RFX3: variants seen among roughly 807,000 people sequenced by gnomAD.
RFX3 encodes transcription factor RFX3.
In RFX3, 14 loss-of-function variants were observed where a neutral mutation model predicts 98.6. That is an observed-to-expected ratio of 0.14 (90% CI 0.09 to 0.22). The LOEUF (loss-of-function observed/expected upper bound fraction) is 0.22, where lower values mean the gene tolerates loss of function less well. RFX3 is among the 10% of genes least tolerant of loss of function. The pLI, the probability that RFX3 is intolerant of heterozygous loss-of-function variation, is 1.00. For synonymous variants in RFX3, 383 were observed against 328.4 expected (o/e 1.17, Z -1.80); for missense variants, 639 against 926.9 (o/e 0.69, Z 4.03).
intron 1 of RFX3, among the ~76,000 whole-genome samples, chr9:3,447,015 A>G (rs1846114235): frequency 6.6e-6 from 1 of 152,160 alleles, no homozygotes; most frequent in Admixed American, 6.5e-5. Context: ...ACAAAGCATT[A>G]CTTATTCGTT....
At chr9:3,263,699 T>C (rs575719362) in intron 12 of RFX3, among the ~76,000 whole-genome samples, 4 of 152,142 alleles carry the variant, frequency 2.6e-5, no homozygotes, top group Non-Finnish European at 4.4e-5. Context: ...TGCGGGAAAT[T>C]TCTATTTGCC....
chr9:3,490,344 G>T, intron 1 of RFX3: 2 of 982,028 alleles, frequency 2.0e-6, no homozygotes, highest in Middle Eastern at 5.2e-4. Context: ...TGACCAAGTG[G>T]CCTAAAATAT....
chr9:3,385,037 GAC>G (rs1283068860), intron 2 of RFX3, among the ~76,000 whole-genome samples: 1 of 152,084 alleles, frequency 6.6e-6, no homozygotes, highest in Non-Finnish European at 1.5e-5. Context: ...ACCTTTCTTT[GAC>G]ACACTGATGA....
chr9:3,353,848 A>G (rs182625117), intron 2 of RFX3, among the ~76,000 whole-genome samples: 4 of 152,234 alleles, frequency 2.6e-5, no homozygotes, highest in Non-Finnish European at 2.9e-5. Flanking sequence ...AGAAAAATCA[A>G]TCAATAGAAA....
chr9:3,292,744 G>C (rs139933426), intron 6 of RFX3, among the ~76,000 whole-genome samples: 1 of 151,488 alleles, frequency 6.6e-6, no homozygotes, highest in Admixed American at 6.6e-5. Flanking sequence ...ACATTTTTAT[G>C]TGCGTGTGTG....
chr9:3,459,395 T>C (rs1847482160), intron 1 of RFX3, among the ~76,000 whole-genome samples: 1 of 152,140 alleles, frequency 6.6e-6, no homozygotes, highest in Admixed American at 6.5e-5. Context: ...CTGTGAAAAG[T>C]GGAAGACACA....
intron 1 of RFX3, among the ~76,000 whole-genome samples, chr9:3,516,941 C>T (rs1368864373): frequency 1.3e-5 from 2 of 152,194 alleles, no homozygotes; most frequent in African/African-American, 4.8e-5. Context: ...GGGCACTTGG[C>T]CACCACTCTC....
At chr9:3,518,984 AGACT>A (rs1219686665) in intron 1 of RFX3, among the ~76,000 whole-genome samples, 11 of 152,198 alleles carry the variant, frequency 7.2e-5, no homozygotes, top group Admixed American at 7.2e-4. Flanking sequence ...ACAACTGACT[AGACT>A]ATTTATTATT....
At chr9:3,277,860 T>C (rs1018788096) in intron 7 of RFX3, among the ~76,000 whole-genome samples, 2 of 151,958 alleles carry the variant, frequency 1.3e-5, no homozygotes, top group African/African-American at 2.4e-5. Context: ...GCCTGAGAAA[T>C]GTTGATGAAT....
At chr9:3,231,834 C>A (rs569340906) in intron 15 of RFX3, among the ~76,000 whole-genome samples, 1 of 151,938 alleles carries the variant, frequency 6.6e-6, no homozygotes, top group African/African-American at 2.4e-5. Context: ...GAGGCTGAGG[C>A]GGGTGGATCA....
At chr9:3,516,996 A>C (rs539744058) in intron 1 of RFX3, among the ~76,000 whole-genome samples, 11 of 152,346 alleles carry the variant, frequency 7.2e-5, no homozygotes, top group African/African-American at 2.6e-4. Context: ...ACTTTGCTAT[A>C]GGTATGGCCA....
At chr9:3,438,910 T>C (rs958642027) in intron 1 of RFX3, among the ~76,000 whole-genome samples, 4 of 152,088 alleles carry the variant, frequency 2.6e-5, no homozygotes, top group Middle Eastern at 3.4e-3. Context: ...GAAACCAAGA[T>C]TTATAATATT....
chr9:3,525,287 T>C (rs1819150679), intron 1 of RFX3, among the ~76,000 whole-genome samples: 1 of 152,186 alleles, frequency 6.6e-6, no homozygotes, highest in Non-Finnish European at 1.5e-5. Context: ...CACTGTTGTC[T>C]ATTTCGGCTT....
chr9:3,523,062 T>C (rs1378644975), intron 1 of RFX3, among the ~76,000 whole-genome samples: 2 of 152,152 alleles, frequency 1.3e-5, no homozygotes, highest in South Asian at 4.1e-4. Context: ...AATTCATTAG[T>C]TTGCCATATA....
rs1564207126 is a variant in RFX3, at chr9:3,525,949, A to AGAGAGAGCGAGAGG, written c.-225_-212dup. The AGAGAGAGCGAGAGG allele has an allele frequency of 1.5e-6, 1 of 682,644 alleles. No homozygotes were observed. Among genetic ancestry groups the AGAGAGAGCGAGAGG allele is most frequent in the Non-Finnish European group, 1.8e-6 (1 of 563,576 alleles). The allele number at this position is 682,644 out of a possible 1,614,324, so 42.3% of individuals were successfully genotyped here. A position where few individuals can be genotyped will look rare whatever the true frequency, so the allele number is the denominator to read the frequency against. Reference sequence around the variant, plus strand: ...AAAAGAGAGAGAGAGAGGGAGAGAGAGAGAGAGCGAGAGGGAGAGGGAGAC... The same window carrying AGAGAGAGCGAGAGG: ...AAAAGAGAGAGAGAGAGGGAGAGAGAGAGAGAGCGAGAGGGAGAGAGCGAGAGGGAGAGGGAGAC... On this transcript the variant is annotated 5_prime_UTR_variant, in exon 1 of 17. Transcript: ENST00000617270.
intron 1 of RFX3, among the ~76,000 whole-genome samples, chr9:3,479,399 A>T (rs899920062): frequency 6.6e-6 from 1 of 151,998 alleles, no homozygotes; most frequent in East Asian, 1.9e-4. Context: ...ACAAACCCTC[A>T]CTTAGTTTGA....
intron 1 of RFX3, among the ~76,000 whole-genome samples, chr9:3,501,079 T>C (rs566533315): frequency 6.6e-6 from 1 of 152,310 alleles, no homozygotes; most frequent in Non-Finnish European, 1.5e-5. Context: ...AAGTGTGGCA[T>C]TCGTAAAAGA....
intron 1 of RFX3, among the ~76,000 whole-genome samples, chr9:3,423,015 A>G (rs1361392599): frequency 1.3e-5 from 2 of 152,184 alleles, no homozygotes; most frequent in African/African-American, 4.8e-5. Flanking sequence ...AAAATAAGTT[A>G]TTTCCTTATT....
At chr9:3,248,597 A>C (rs891716092) in intron 14 of RFX3, among the ~76,000 whole-genome samples, 3 of 152,224 alleles carry the variant, frequency 2.0e-5, no homozygotes, top group Admixed American at 2.0e-4. Context: ...AGTGATAACG[A>C]TCTCTGGGGT....
Sources: allele counts gnomAD v4.1 joint callset (sites outside exome capture counted in the v4.1 genomes callset), GRCh38; gene constraint gnomAD v4.1.1; transcripts MANE v1.5; gene names NCBI Gene and HGNC (gene_info 2026-07-23, HGNC 2026-07-21).